The following ALDH1L2 variants were observed in gnomAD, a reference collection of about 807,000 sequenced individuals.
The protein encoded by ALDH1L2 is aldehyde dehydrogenase 1 family member L2.
A neutral mutation model predicts 111.0 loss-of-function variants in ALDH1L2; 91 were observed. The observed-to-expected ratio is 0.82, with a 90% CI of 0.69 to 0.98. ALDH1L2 has a LOEUF of 0.98. Ranked by LOEUF, ALDH1L2 falls within the 50% of genes least tolerant of loss-of-function variation. The probability of loss-of-function intolerance (pLI) is 0.00; values close to 1 mark genes in which losing one functional copy is unlikely to be tolerated. For synonymous variants in ALDH1L2, 374 were observed against 392.6 expected, an observed-to-expected ratio of 0.95 and a Z score of 0.56; for missense variants, 995 against 1,126.8, an observed-to-expected ratio of 0.88 and a Z score of 1.67.
intron 1 of ALDH1L2, among the ~76,000 whole-genome samples, chr12:105,076,743 A>G (rs969532000): frequency 1.3e-5 from 2 of 152,252 alleles, no homozygotes; most frequent in African/African-American, 2.4e-5. Context: ...TTATCATACC[A>G]TAAGCAATAC....
intron 17 of ALDH1L2, 68 bp downstream of exon 17, chr12:105,039,645 C>A (rs888561568): frequency 1.5e-6 from 2 of 1,356,852 alleles, no homozygotes; most frequent in Non-Finnish European, 2.1e-6. Flanking sequence ...AAAAAGTACC[C>A]TGTTTAAACA....
intron 21 of ALDH1L2, among the ~76,000 whole-genome samples, chr12:105,028,132 A>G (rs1565948113): frequency 6.6e-6 from 1 of 152,036 alleles, no homozygotes; most frequent in Admixed American, 6.6e-5. Context: ...TCTTTTTGAG[A>G]TGGAGTCTCA....
chr12:105,048,690 ATATT>A (rs1592781997), intron 13 of ALDH1L2: 4 of 152,140 alleles, frequency 2.6e-5, no homozygotes, highest in Admixed American at 2.0e-4. Flanking sequence ...GTAAAATGAA[ATATT>A]TATTTATTAT....
In ALDH1L2 at chr12:105,039,697, A is replaced by G; in HGVS notation, c.2045+16T>C. On this transcript the variant is annotated intron_variant, in intron 17 of 22. Transcript: ENST00000258494. ...TTAACAGGATCTGCAGTGAATCAAC[A>G]TTTTAAAACCAATACCTCTTCATGA... 1 of 1,610,606 alleles carries G rather than the reference A, an allele frequency of 6.2e-7. No individual in the cohort carries two copies. Among genetic ancestry groups the G allele is most frequent in the South Asian group, 1.1e-5 (1 of 90,918 alleles).
intron 22 of ALDH1L2, 102 bp from the exon 23 acceptor site, chr12:105,024,581 T>A: frequency 8.7e-7 from 1 of 1,154,634 alleles, no homozygotes; most frequent in Non-Finnish European, 1.3e-6. Context: ...GGTCACTAAG[T>A]AAATAGAATG....
Position 105,038,096 on chromosome 12 carries a change from C to T in ALDH1L2, c.2145+7G>A. Reference sequence around the variant, plus strand: ...CACCTATTTACTTAAATTTGACCCTCTCTTACCATTCGCACAGCCTTGTCA... The same window carrying T: ...CACCTATTTACTTAAATTTGACCCTTTCTTACCATTCGCACAGCCTTGTCA... On this transcript the variant is annotated splice_region_variant and intron_variant, in intron 18 of 22. Coordinates refer to ENST00000258494, the MANE Select transcript of ALDH1L2 (RefSeq NM_001034173.4). The T allele has an allele frequency of 6.2e-7, 1 of 1,612,170 alleles. No homozygotes were observed. The highest frequency in any genetic ancestry group is 8.5e-7 in the Non-Finnish European group (1 of 1,178,564).
At chr12:105,044,096 C>G (rs1451099875) in intron 15 of ALDH1L2, among the ~76,000 whole-genome samples, 1 of 152,148 alleles carries the variant, frequency 6.6e-6, no homozygotes, top group Non-Finnish European at 1.5e-5. Flanking sequence ...GTCTTTCATT[C>G]TCAGGATTTA....
In ALDH1L2 at chr12:105,078,112, G is replaced by T. The variant is rs1323801358; in HGVS notation, c.49-4107C>A. On this transcript the variant is annotated intron_variant, in intron 1 of 22. Coordinates refer to ENST00000258494, the MANE Select transcript of ALDH1L2 (RefSeq NM_001034173.4). ...GTGGCACATTACTGGCCTGGCAGGGGTGTTTTATTTGGCCCACAAAGCATT... is the reference window on the plus strand; with the variant it reads ...GTGGCACATTACTGGCCTGGCAGGGTTGTTTTATTTGGCCCACAAAGCATT... Among the ~76,000 whole-genome samples, 5 of 152,304 alleles carry T rather than the reference G, an allele frequency of 3.3e-5. No individual in the cohort carries two copies. The East Asian group carries it at 7.7e-4, about 24-fold the overall frequency.
intron 9 of ALDH1L2, among the ~76,000 whole-genome samples, chr12:105,059,564 C>T (rs1313189677): frequency 1.4e-4 from 22 of 152,134 alleles, no homozygotes; most frequent in Non-Finnish European, 5.9e-5. Flanking sequence ...TCATGAATCA[C>T]AGCTGAGAAA....
At chr12:105,062,545 C>T (rs1052277496) in intron 7 of ALDH1L2, among the ~76,000 whole-genome samples, 7 of 152,178 alleles carry the variant, frequency 4.6e-5, no homozygotes, top group Non-Finnish European at 7.3e-5. Flanking sequence ...TCACTTGATC[C>T]TCCCAGAATC....
At position 105,021,927 on chromosome 12, in the gene ALDH1L2, G is replaced by A. The variant is rs998442952; in HGVS notation, c.*2497C>T. 3 of 152,228 alleles carry A rather than the reference G, an allele frequency of 2.0e-5. No individual in the cohort carries two copies. Among genetic ancestry groups the A allele is most frequent in the Non-Finnish European group, 4.4e-5 (3 of 68,068 alleles). 9.4% of individuals were successfully genotyped at this position (152,228 alleles called of 1,614,324 possible). A position where few individuals can be genotyped will look rare whatever the true frequency, so the allele number is the denominator to read the frequency against. On this transcript the variant is annotated 3_prime_UTR_variant, in exon 23 of 23. Coordinates refer to ENST00000258494, the MANE Select transcript of ALDH1L2 (RefSeq NM_001034173.4). Reference sequence around the variant, plus strand: ...GTCCAGGAAGGGTGTTAGAGCAAAAGGGACAGCTTTAGCAAAGGCATGGGG... The same window carrying A: ...GTCCAGGAAGGGTGTTAGAGCAAAAAGGACAGCTTTAGCAAAGGCATGGGG...
In ALDH1L2 at chr12:105,019,980, G is replaced by A. The variant is rs1346293719; in HGVS notation, c.*4444C>T. ...TTGAAAATAACCAAATAGATTTTTG[G>A]GTTGACTCAACAAATTATGGTTGAG... On this transcript the variant is annotated 3_prime_UTR_variant, in exon 23 of 23. Transcript: ENST00000258494. 1 of 151,952 alleles carries A rather than the reference G, an allele frequency of 6.6e-6. No individual in the cohort carries two copies. Among genetic ancestry groups the A allele is most frequent in the Non-Finnish European group, 1.5e-5 (1 of 67,984 alleles). The allele number at this position is 151,952 out of a possible 1,614,324, so 9.4% of individuals were successfully genotyped here.
Position 105,046,880 on chromosome 12 carries a change from G to A in ALDH1L2, c.1757+19C>T. 1.2e-6 allele frequency: 2 copies of A among 1,613,746 alleles called. No homozygotes were observed. The highest frequency in any genetic ancestry group is 1.7e-6 in the Non-Finnish European group (2 of 1,179,730). The stretch of plus-strand genomic sequence containing the variant: ...TAACACAACTCATGATTCACTCAGA[G>A]GCACTCTCCTTATCTTACCCGAGTG... On this transcript the variant is annotated intron_variant, in intron 14 of 22. Transcript: ENST00000258494.
chr12:105,033,127 G>A (rs562284149), intron 19 of ALDH1L2, among the ~76,000 whole-genome samples: 2 of 152,280 alleles, frequency 1.3e-5, no homozygotes, highest in Admixed American at 1.3e-4. Flanking sequence ...GTTCCCCAGG[G>A]TTCTGCACTG....
intron 1 of ALDH1L2, among the ~76,000 whole-genome samples, chr12:105,079,253 C>T (rs1238366611): frequency 6.6e-6 from 1 of 152,164 alleles, no homozygotes; most frequent in Non-Finnish European, 1.5e-5. Context: ...GTAACAAACT[C>T]TCATACTAAC....
chr12:105,053,180 T>C (rs1327779107), intron 10 of ALDH1L2, among the ~76,000 whole-genome samples: 1 of 152,164 alleles, frequency 6.6e-6, no homozygotes, highest in Non-Finnish European at 1.5e-5. Context: ...TCAGATTTTC[T>C]TTCTTAACAG....
chr12:105,073,969 C>A lies in ALDH1L2; in HGVS notation c.85G>T (p.Gly29Cys). Residue 29 changes from glycine (G) to cysteine (C), a missense_variant, in exon 2 of 23, where the codon GGC becomes TGC. Coordinates refer to ENST00000258494, the MANE Select transcript of ALDH1L2 (RefSeq NM_001034173.4). ...ACTTCTTGTCCAAAGAGGCTCTGGC[C>A]AATTAGTGCCAACTTCAGCTTGTTT... ...FKNKLKLALI[G>C]QSLFGQEVYS... 6.2e-7 allele frequency: 1 copy of A among 1,614,068 alleles called. No individual in the cohort carries two copies. The highest frequency in any genetic ancestry group is 1.3e-5 in the African/African-American group (1 of 75,000).
Position 105,049,990 on chromosome 12 carries a change from A to G in ALDH1L2, c.1604T>C (p.Val535Ala), listed in dbSNP as rs755279693. 1.2e-6 allele frequency: 2 copies of G among 1,612,700 alleles called. No homozygotes were observed. The highest frequency in any genetic ancestry group is 1.7e-5 in the Admixed American group (1 of 59,908). Residue 535 changes from valine (V) to alanine (A), a missense_variant, in exon 13 of 23, where the codon GTC becomes GCC. Val to Ala is a moderately conservative substitution (Grantham distance 64). Coordinates refer to ENST00000258494, the MANE Select transcript of ALDH1L2 (RefSeq NM_001034173.4). ...ATIEALDSGA[V>A]YTLALKTHIG... ...GTGTGTCTTCAGGGCCAAGGTATAG[A>G]CAGCCCCTGAATCAAGGGCTTCAAT...
At chr12:105,046,149 T>TTCTCTCTCTCTCTCTC (rs541003101) in intron 15 of ALDH1L2, among the ~76,000 whole-genome samples, 6 of 35,996 alleles carry the variant, frequency 1.7e-4, no homozygotes, top group African/African-American at 6.2e-4. Context: ...CTTCTACATC[T>TTCTCTCTCTCTCTCTC]TCTCTCTCTC....
Sources: allele counts gnomAD v4.1 joint callset (sites outside exome capture counted in the v4.1 genomes callset), GRCh38; gene constraint gnomAD v4.1.1; transcripts MANE v1.5; gene names NCBI Gene and HGNC (gene_info 2026-07-23, HGNC 2026-07-21).